DGKB: variants seen among roughly 807,000 people sequenced by gnomAD.
DGKB encodes the protein 90 kDa diacylglycerol kinase.
DGKB carries 67 observed loss-of-function variants against 114.3 expected under a neutral mutation model. The observed-to-expected ratio is 0.59, with a 90% confidence interval of 0.48 to 0.72. The LOEUF (loss-of-function observed/expected upper bound fraction) is 0.72, where lower values mean the gene tolerates loss of function less well. Ranked by LOEUF, DGKB falls within the 30% of genes least tolerant of loss-of-function variation. DGKB has a pLI of 0.00. For missense variants in DGKB, 907 were observed against 975.2 expected (o/e 0.93, Z 0.93); for synonymous variants, 398 against 323.1 (o/e 1.23, Z -2.49).
At chr7:14,867,229 T>A (rs1202326559) in intron 1 of DGKB, among the ~76,000 whole-genome samples, 3 of 152,208 alleles carry the variant, frequency 2.0e-5, no homozygotes, top group Non-Finnish European at 4.4e-5. Context: ...CTTATAATTT[T>A]AATGAAATTC....
At chr7:14,263,550 A>G (rs762208381) in intron 23 of DGKB, among the ~76,000 whole-genome samples, 1 of 152,198 alleles carries the variant, frequency 6.6e-6, no homozygotes, top group South Asian at 2.1e-4. Flanking sequence ...TAAATCCTGC[A>G]TATCTGTTAG....
At chr7:14,803,631 G>T (rs1298556150) in intron 2 of DGKB, among the ~76,000 whole-genome samples, 1 of 151,384 alleles carries the variant, frequency 6.6e-6, no homozygotes, top group African/African-American at 2.4e-5. Context: ...AATTTATTAT[G>T]ATTGCTTTTT....
At chr7:14,903,107 C>A (rs761326307), upstream of DGKB, 1 of 152,134 alleles carries the variant, frequency 6.6e-6, no homozygotes, top group Non-Finnish European at 1.5e-5. Flanking sequence ...CTGAAGGAAA[C>A]AATTTGTCAG....
intron 4 of DGKB, among the ~76,000 whole-genome samples, chr7:14,738,692 T>C (rs1832101795): frequency 6.6e-6 from 1 of 152,234 alleles, no homozygotes; most frequent in Non-Finnish European, 1.5e-5. Flanking sequence ...CCACATTACT[T>C]CACATGTTTT....
chr7:14,324,773 T>C (rs1808434829), intron 23 of DGKB, among the ~76,000 whole-genome samples: 1 of 151,892 alleles, frequency 6.6e-6, no homozygotes, highest in South Asian at 2.1e-4. Context: ...GAGAACAAGA[T>C]ACATATTCAA....
upstream of DGKB, among the ~76,000 whole-genome samples, chr7:14,907,058 C>T (rs1038702892): frequency 6.6e-6 from 1 of 152,122 alleles, no homozygotes; most frequent in African/African-American, 2.4e-5. Flanking sequence ...CTAAATTTAA[C>T]AAAGTGCCAT....
chr7:14,282,631 G>A (rs373317861), intron 23 of DGKB, among the ~76,000 whole-genome samples: 5 of 149,732 alleles, frequency 3.3e-5, no homozygotes, highest in South Asian at 2.1e-4. Context: ...CTGGCAAACC[G>A]AATCCAGCAG....
chr7:14,958,615 T>G (rs916488527), intron 1 of DGKB, among the ~76,000 whole-genome samples: 1 of 152,116 alleles, frequency 6.6e-6, no homozygotes, highest in African/African-American at 2.4e-5. Flanking sequence ...TTTCTTAAAG[T>G]AACCAGTATT....
chr7:14,956,087 C>G (rs1029767613), intron 1 of DGKB, among the ~76,000 whole-genome samples: 1 of 151,840 alleles, frequency 6.6e-6, no homozygotes, highest in Non-Finnish European at 1.5e-5. Flanking sequence ...AACAAATAAA[C>G]AGCAATTCAA....
chr7:14,338,762 C>T (rs1238349409), intron 22 of DGKB, 52 bp from the exon 23 acceptor site: 1 of 1,176,278 alleles, frequency 8.5e-7, no homozygotes, highest in Non-Finnish European at 1.1e-6. Context: ...CTTTATTTCC[C>T]TGATTTCTTG....
chr7:14,220,350 CA>C (rs1488882657), intron 23 of DGKB, among the ~76,000 whole-genome samples: 3 of 151,410 alleles, frequency 2.0e-5, no homozygotes, highest in Non-Finnish European at 1.5e-5. Context: ...TGTAGATATC[CA>C]GTTGTCTCAG....
chr7:14,643,839 C>G (rs917151434), intron 13 of DGKB, among the ~76,000 whole-genome samples: 1 of 152,136 alleles, frequency 6.6e-6, no homozygotes, highest in Non-Finnish European at 1.5e-5. Flanking sequence ...TCCAGGAGCC[C>G]GAGGCCATCC....
intron 15 of DGKB, among the ~76,000 whole-genome samples, chr7:14,616,369 C>T (rs950776276): frequency 7.3e-5 from 11 of 151,306 alleles, no homozygotes; most frequent in Non-Finnish European, 4.4e-5. Flanking sequence ...TAGGTACCAA[C>T]GTTATATTCA....
intron 13 of DGKB, among the ~76,000 whole-genome samples, chr7:14,666,313 C>T (rs1563845970): frequency 6.6e-6 from 1 of 151,672 alleles, no homozygotes; most frequent in African/African-American, 2.4e-5. Flanking sequence ...TTGCTGAAGC[C>T]CAATTTAATT....
At chr7:14,193,373 G>C (rs769988598) in intron 23 of DGKB, among the ~76,000 whole-genome samples, 3 of 152,030 alleles carry the variant, frequency 2.0e-5, no homozygotes, top group Non-Finnish European at 4.4e-5. Context: ...GAATAGAATG[G>C]AGAGACCAGA....
chr7:14,323,167 A>T (rs1187342622), intron 23 of DGKB, among the ~76,000 whole-genome samples: 1 of 152,204 alleles, frequency 6.6e-6, no homozygotes, highest in Non-Finnish European at 1.5e-5. Flanking sequence ...AAATAATGAA[A>T]ATATGGAATT....
At chr7:14,239,837 A>G (rs2128361778) in intron 23 of DGKB, among the ~76,000 whole-genome samples, 1 of 152,192 alleles carries the variant, frequency 6.6e-6, no homozygotes, top group South Asian at 2.1e-4. Flanking sequence ...TTGTGTCTCC[A>G]AACTTATTAA....
intron 20 of DGKB, among the ~76,000 whole-genome samples, chr7:14,505,232 A>G (rs1224294444): frequency 6.6e-6 from 1 of 152,198 alleles, no homozygotes; most frequent in African/African-American, 2.4e-5. Flanking sequence ...AGGCTGGCAG[A>G]TCAACTGAAA....
At chr7:14,494,944 G>T (rs1367831946) in intron 20 of DGKB, among the ~76,000 whole-genome samples, 1 of 151,766 alleles carries the variant, frequency 6.6e-6, no homozygotes, top group Non-Finnish European at 1.5e-5. Context: ...ATCTTCACAA[G>T]ATTAGTAATA....
Sources: allele counts gnomAD v4.1 joint callset (sites outside exome capture counted in the v4.1 genomes callset), GRCh38; gene constraint gnomAD v4.1.1; transcripts MANE v1.5; gene names NCBI Gene and HGNC (gene_info 2026-07-23, HGNC 2026-07-21).